DTD1: variants seen among roughly 807,000 people sequenced by gnomAD.
DTD1 encodes the protein D-aminoacyl-tRNA deacylase 1, also known as D-tyrosyl-tRNA deacylase 1 homolog.
A neutral mutation model predicts 25.6 loss-of-function variants in DTD1; 13 were observed. That is an observed-to-expected ratio of 0.51 (90% CI 0.33 to 0.81). The LOEUF (loss-of-function observed/expected upper bound fraction) is 0.81, where lower values mean the gene tolerates loss of function less well. Ranked by LOEUF, DTD1 falls within the 30% of genes least tolerant of loss-of-function variation. The pLI, the probability that DTD1 is intolerant of heterozygous loss-of-function variation, is 0.02. For synonymous variants in DTD1, 110 were observed against 103.6 expected, an observed-to-expected ratio of 1.06 and a Z score of -0.37; for missense variants, 193 against 266.4, an observed-to-expected ratio of 0.72 and a Z score of 1.92.
intron 4 of DTD1, among the ~76,000 whole-genome samples, chr20:18,676,018 A>G (rs548735727): frequency 1.3e-5 from 2 of 152,300 alleles, no homozygotes; most frequent in Non-Finnish European, 2.9e-5. Context: ...CTATTCTGCC[A>G]TAAGACATAT....
chr20:18,704,366 G>A (rs2061117662), intron 4 of DTD1, among the ~76,000 whole-genome samples: 1 of 152,116 alleles, frequency 6.6e-6, no homozygotes, highest in Non-Finnish European at 1.5e-5. Context: ...GAGGGTAGCT[G>A]GGCATTCAGT....
In DTD1 at chr20:18,764,787, A is replaced by AG. The variant is rs1262902423; in HGVS notation, c.*1448dup. ...GGCCAGCTCCCTAAGCTGTGTGGGC[A>AG]GTGAGGTCCCAGAAGCTCTGCTGTT... On this transcript the variant is annotated 3_prime_UTR_variant, in exon 6 of 6. Coordinates refer to ENST00000377452, the MANE Select transcript of DTD1 (RefSeq NM_080820.6). 1 of 152,238 alleles carries AG rather than the reference A, an allele frequency of 6.6e-6. No individual in the cohort carries two copies. The allele number at this position is 152,238 out of a possible 1,614,324, so 9.4% of individuals were successfully genotyped here.
chr20:18,655,501 A>G (rs186727157), intron 4 of DTD1, among the ~76,000 whole-genome samples: 7 of 151,566 alleles, frequency 4.6e-5, no homozygotes, highest in Admixed American at 2.6e-4. Flanking sequence ...CCAAACTCAC[A>G]TAAGTAGAGG....
intron 4 of DTD1, chr20:18,632,725 T>A (rs971671948): frequency 3.3e-6 from 3 of 912,482 alleles, no homozygotes; most frequent in Non-Finnish European, 3.9e-6. Flanking sequence ...GCAGGTTCTT[T>A]TAAAATATAA....
At chr20:18,610,012 G>A (rs1167710839) in intron 3 of DTD1, among the ~76,000 whole-genome samples, 4 of 152,102 alleles carry the variant, frequency 2.6e-5, no homozygotes, top group African/African-American at 9.7e-5. Flanking sequence ...GTTCTTCTCT[G>A]CTTGCAGGTG....
At chr20:18,595,885 C>A in intron 2 of DTD1, 121 bp from the exon 3 acceptor site, 2 of 802,946 alleles carry the variant, frequency 2.5e-6, no homozygotes, top group South Asian at 1.6e-5. Flanking sequence ...TGCCTCCTGT[C>A]AGGGATGGAG....
intron 4 of DTD1, among the ~76,000 whole-genome samples, chr20:18,708,874 C>A (rs2061147041): frequency 6.6e-6 from 1 of 152,160 alleles, no homozygotes; most frequent in African/African-American, 2.4e-5. Flanking sequence ...CTCCTGTCAT[C>A]TCCATCAGTT....
chr20:18,644,759 A>G (rs747398632), intron 4 of DTD1, among the ~76,000 whole-genome samples: 18 of 152,170 alleles, frequency 1.2e-4, no homozygotes, highest in South Asian at 2.1e-4. Flanking sequence ...TAGATTTGAG[A>G]TAAATCAGTT....
intron 5 of DTD1, among the ~76,000 whole-genome samples, chr20:18,758,145 AT>A (rs2061346913): frequency 1.3e-5 from 2 of 151,810 alleles, no homozygotes; most frequent in Admixed American, 1.3e-4. Flanking sequence ...TATTGCATCT[AT>A]TTGATTCTTC....
rs1469254875 is a variant in DTD1, at chr20:18,741,903, T to G, written c.478-2197T>G. 8.7e-3 allele frequency among the ~76,000 whole-genome samples: 541 copies of G among 61,864 alleles called. 6 individuals carry two copies. Among genetic ancestry groups the G allele is most frequent in the South Asian group, 0.016 (35 of 2,188 alleles). 40.6% of individuals were successfully genotyped at this position (61,864 alleles called of 152,430 possible). A position where few individuals can be genotyped will look rare whatever the true frequency, so the allele number is the denominator to read the frequency against. On this transcript the variant is annotated intron_variant, in intron 4 of 5. Transcript: ENST00000377452. The stretch of plus-strand genomic sequence containing the variant: ...ACGCCTGGCTAACCTTTGTATTTTT[T>G]TTTTTTTTTTTTTTTTGTAGAGACA...
intron 4 of DTD1, among the ~76,000 whole-genome samples, chr20:18,708,330 ATATT>A (rs1159328626): frequency 2.8e-5 from 2 of 70,480 alleles, no homozygotes; most frequent in South Asian, 7.4e-4. Flanking sequence ...TTATATATAT[ATATT>A]TTATATATAT....
intron 1 of DTD1, chr20:18,592,668 G>T (rs1336469938): frequency 1.4e-5 from 2 of 147,298 alleles, no homozygotes; most frequent in African/African-American, 2.5e-5. Context: ...CCATCATAAA[G>T]ATGCATCTTT....
rs942611843 is a variant in DTD1, at chr20:18,752,748, T to G, written c.*19+8477T>G. Among the ~76,000 whole-genome samples, 43 of 152,222 alleles carry G rather than the reference T, an allele frequency of 2.8e-4. 1 individual carries two copies. Among genetic ancestry groups the G allele is most frequent in the Admixed American group, 1.8e-3 (28 of 15,278 alleles). On this transcript the variant is annotated intron_variant, in intron 5 of 5. Coordinates refer to ENST00000377452, the MANE Select transcript of DTD1 (RefSeq NM_080820.6). ...TGTAACTGTATGGCTTTCAGTACATTTGGGACATTTTAAGTAATATCTATT... is the reference window on the plus strand; with the variant it reads ...TGTAACTGTATGGCTTTCAGTACATGTGGGACATTTTAAGTAATATCTATT...
intron 5 of DTD1, among the ~76,000 whole-genome samples, chr20:18,760,286 A>G (rs533835636): frequency 2.0e-5 from 3 of 152,268 alleles, no homozygotes; most frequent in Admixed American, 2.0e-4. Flanking sequence ...GAGGAGCTGC[A>G]TTCTTTTGGA....
intron 4 of DTD1, among the ~76,000 whole-genome samples, chr20:18,707,610 G>A (rs150694916): frequency 6.6e-6 from 1 of 152,190 alleles, no homozygotes; most frequent in Non-Finnish European, 1.5e-5. Context: ...ACTGGTGGCT[G>A]TCTGTTCACA....
At chr20:18,681,879 T>C (rs2060998529) in intron 4 of DTD1, among the ~76,000 whole-genome samples, 1 of 151,192 alleles carries the variant, frequency 6.6e-6, no homozygotes, top group South Asian at 2.1e-4. Context: ...AAATAAATTC[T>C]TTTATTTTTC....
At chr20:18,633,270 C>T (rs897359450) in intron 4 of DTD1, among the ~76,000 whole-genome samples, 1 of 152,154 alleles carries the variant, frequency 6.6e-6, no homozygotes, top group Non-Finnish European at 1.5e-5. Context: ...TCTGCTGTTG[C>T]CTCCTCTCCC....
At chr20:18,762,091 C>T (rs952610148) in intron 5 of DTD1, among the ~76,000 whole-genome samples, 1 of 152,164 alleles carries the variant, frequency 6.6e-6, no homozygotes, top group Admixed American at 6.5e-5. Context: ...AGGGACTTCG[C>T]TATCCAGCTG....
chr20:18,658,458 G>A (rs1024739371), intron 4 of DTD1, among the ~76,000 whole-genome samples: 1 of 151,534 alleles, frequency 6.6e-6, no homozygotes, highest in African/African-American at 2.4e-5. Flanking sequence ...CATGATATTT[G>A]TACTTAATTT....
Sources: gnomAD v4.1 joint callset for allele counts (sites outside exome capture counted in the v4.1 genomes callset) on GRCh38, gnomAD v4.1.1 for gene constraint, MANE v1.5 for transcripts, NCBI Gene and HGNC (gene_info 2026-07-23, HGNC 2026-07-21) for gene names.